IGFBP2: variants seen among roughly 807,000 people sequenced by gnomAD.
The protein encoded by IGFBP2 is insulin like growth factor binding protein 2.
Under a neutral mutation model 26.2 loss-of-function variants are expected in IGFBP2, and 12 were observed. The ratio of observed to expected loss-of-function variants is 0.46; its 90% CI spans 0.29 to 0.74. The LOEUF is 0.74. Among genes scored for constraint, IGFBP2 ranks in the 30% least tolerant of loss-of-function variants. The probability of loss-of-function intolerance (pLI) is 0.09; values close to 1 mark genes in which losing one functional copy is unlikely to be tolerated. For synonymous variants in IGFBP2, 189 were observed against 200.6 expected (o/e 0.94, Z 0.49); for missense variants, 328 against 441.2 (o/e 0.74, Z 2.30).
At position 216,664,102 on chromosome 2, in the gene IGFBP2, T is replaced by C. The variant is rs1182095749; in HGVS notation, c.976T>C (p.Ter326GlnextTer36). The change falls in exon 4 of 4, where the codon TAG (stop) becomes CAG (glutamine). Residue 326 changes from the stop codon to glutamine (Q), a stop_lost. Coordinates refer to ENST00000233809, the MANE Select transcript of IGFBP2 (RefSeq NM_000597.3). The surrounding 1 kb of genome is among the most constrained non-coding windows in gnomAD (Gnocchi z 4.6). Reference protein sequence around the residue: ...ARGVHTQRMQ* With the variant: ...ARGVHTQRMQQ ...CGGGGTGCACACCCAGCGGATGCAG[T>C]AGACCGCAGCCAGCCGGTGCCTGGC... 1 of 1,594,964 alleles carries C rather than the reference T, an allele frequency of 6.3e-7. No individual in the cohort carries two copies. Among genetic ancestry groups the C allele is most frequent in the Non-Finnish European group, 8.5e-7 (1 of 1,169,626 alleles).
intron 1 of IGFBP2, among the ~76,000 whole-genome samples, chr2:216,635,149 G>T (rs1463269252): frequency 6.6e-6 from 1 of 151,992 alleles, no homozygotes; most frequent in Admixed American, 6.6e-5. Flanking sequence ...GTCGGCTATT[G>T]TTTTTTTCCC....
intron 1 of IGFBP2, among the ~76,000 whole-genome samples, chr2:216,649,856 G>A (rs974449030): frequency 5.3e-5 from 8 of 152,104 alleles, no homozygotes; most frequent in African/African-American, 1.4e-4. Context: ...GGGGGAGCCC[G>A]AGATGAGATG....
intron 1 of IGFBP2, among the ~76,000 whole-genome samples, chr2:216,657,876 A>T (rs1183610413): frequency 2.6e-5 from 4 of 152,176 alleles, no homozygotes; most frequent in Admixed American, 6.5e-5. Context: ...ATATTTTTCC[A>T]GGTTTCAGGT....
intron 1 of IGFBP2, among the ~76,000 whole-genome samples, chr2:216,636,969 T>A (rs1697511091): frequency 6.6e-6 from 1 of 151,726 alleles, no homozygotes; most frequent in South Asian, 2.1e-4. Flanking sequence ...AGGCTCTGCA[T>A]CTGCAGTTGC....
intron 1 of IGFBP2, 112 bp from the exon 2 acceptor site, chr2:216,660,442 CATT>C: frequency 1.4e-6 from 1 of 707,438 alleles, no homozygotes; most frequent in Non-Finnish European, 2.3e-6. Context: ...CATCAGCACT[CATT>C]AGCCGCGCGT....
chr2:216,659,630 C>T lies in IGFBP2; in HGVS notation c.443-927C>T, dbSNP rs938465133. Reference sequence around the variant, plus strand: ...TCAGCCAGAGTGAGACTGTGGCAGGCTGGAGCTGTTTTCAAGGCCTCCTTC... The same window carrying T: ...TCAGCCAGAGTGAGACTGTGGCAGGTTGGAGCTGTTTTCAAGGCCTCCTTC... On this transcript the variant is annotated intron_variant, in intron 1 of 3. Transcript: ENST00000233809. 7 of 1,037,822 alleles carry T rather than the reference C, an allele frequency of 6.7e-6. No individual in the cohort carries two copies. In the African/African-American group the frequency reaches 1.1e-4, roughly 16 times the overall value. The allele number at this position is 1,037,822 out of a possible 1,614,324, so 64.3% of individuals were successfully genotyped here.
At chr2:216,650,590 T>A (rs1697800131) in intron 1 of IGFBP2, among the ~76,000 whole-genome samples, 1 of 152,212 alleles carries the variant, frequency 6.6e-6, no homozygotes, top group South Asian at 2.1e-4. Context: ...CTGTTGGGCT[T>A]GCCACTCAAC....
In IGFBP2 at chr2:216,660,683, T is replaced by C; in HGVS notation, c.569T>C (p.Val190Ala). The change falls in exon 2 of 4, where the codon GTG becomes GCG. Residue 190 changes from valine (V) to alanine (A), a missense_variant. By Grantham distance (64) the Val-to-Ala change is moderately conservative. Transcript: ENST00000233809. ...PLKSGMKELA[V>A]FREKVTEQHR... ...AAGTCGGGTATGAAGGAGCTGGCCG[T>C]GTTCCGGGAGAAGGTCACTGAGCAG... The C allele has an allele frequency of 6.2e-7, 1 of 1,614,050 alleles. No individual in the cohort carries two copies. The highest frequency in any genetic ancestry group is 2.2e-5 in the East Asian group (1 of 44,876).
rs1697435898 is a variant in IGFBP2 at position 216,633,740 on chromosome 2, A to G, written c.217A>G (p.Met73Val). The G allele has an allele frequency of 4.0e-6, 5 of 1,265,432 alleles. No individual in the cohort carries two copies. Among genetic ancestry groups the G allele is most frequent in the Admixed American group, 8.5e-5 (2 of 23,610 alleles). 78.4% of individuals were successfully genotyped at this position (1,265,432 alleles called of 1,614,324 possible). A position where few individuals can be genotyped will look rare whatever the true frequency, so the allele number is the denominator to read the frequency against. ...GGCCGCAGTGGCCGGAGGCGCCCGC[A>G]TGCCATGCGCGGAGCTCGTCCGGGA... ...AVAAVAGGARMPCAELVREPG... is the reference protein window; with the variant it reads ...AVAAVAGGARVPCAELVREPG... Residue 73 changes from methionine to valine, a missense_variant, in exon 1 of 4, where the codon ATG (methionine) becomes GTG (valine). Transcript: ENST00000233809.
intron 2 of IGFBP2, 132 bp downstream of exon 2, chr2:216,660,918 T>C: frequency 4.3e-6 from 3 of 689,670 alleles, no homozygotes; most frequent in Non-Finnish European, 7.4e-6. Flanking sequence ...TCCACAAACA[T>C]AGTTGTGGAA....
At chr2:216,635,814 T>G (rs949409641) in intron 1 of IGFBP2, among the ~76,000 whole-genome samples, 1 of 152,058 alleles carries the variant, frequency 6.6e-6, no homozygotes, top group Non-Finnish European at 1.5e-5. Context: ...GGGAAGAATG[T>G]CACTCTGGAT....
chr2:216,647,985 A>G (rs542175691), intron 1 of IGFBP2, among the ~76,000 whole-genome samples: 5 of 152,180 alleles, frequency 3.3e-5, no homozygotes, highest in Non-Finnish European at 7.4e-5. Flanking sequence ...GGACACTTGG[A>G]GGCCATATTG....
At chr2:216,651,227 G>A (rs1347044936) in intron 1 of IGFBP2, among the ~76,000 whole-genome samples, 1 of 152,164 alleles carries the variant, frequency 6.6e-6, no homozygotes, top group African/African-American at 2.4e-5. Flanking sequence ...CCTAACTTCT[G>A]CCTCCCTCCC....
intron 1 of IGFBP2, chr2:216,659,481 G>T: frequency 1.8e-6 from 1 of 553,582 alleles, no homozygotes; most frequent in Non-Finnish European, 3.3e-6. Flanking sequence ...GTGTCTCCAA[G>T]GGGTTGGGGC....
At chr2:216,642,920 A>C (rs1697644249) in intron 1 of IGFBP2, among the ~76,000 whole-genome samples, 1 of 152,162 alleles carries the variant, frequency 6.6e-6, no homozygotes, top group South Asian at 2.1e-4. Context: ...GGGTGGGGGA[A>C]GGTCCTCTCT....
intron 1 of IGFBP2, among the ~76,000 whole-genome samples, chr2:216,644,294 G>T (rs1022669320): frequency 5.3e-5 from 8 of 152,154 alleles, no homozygotes; most frequent in African/African-American, 1.7e-4. Context: ...GGAGAAGGGG[G>T]CAGGGGCTGG....
intron 3 of IGFBP2, chr2:216,663,683 A>G (rs936620091): frequency 4.3e-5 from 17 of 396,972 alleles, no homozygotes; most frequent in Non-Finnish European, 7.3e-5. Context: ...CTTGCTAATC[A>G]GAGGGGTCCC....
intron 1 of IGFBP2, chr2:216,659,717 G>T: frequency 6.5e-7 from 1 of 1,535,630 alleles, no homozygotes; most frequent in South Asian, 1.2e-5. Context: ...ACGCTTGTTG[G>T]ACAGACATCA....
At chr2:216,635,448 C>T (rs1697476977) in intron 1 of IGFBP2, among the ~76,000 whole-genome samples, 1 of 152,160 alleles carries the variant, frequency 6.6e-6, no homozygotes, top group African/African-American at 2.4e-5. Flanking sequence ...CCTCGTGGTC[C>T]ACCGGGGAGG....
Sources: gnomAD v4.1 joint callset for allele counts (sites outside exome capture counted in the v4.1 genomes callset) on GRCh38, gnomAD v4.1.1 for gene constraint, Gnocchi (gnomAD v3.1) non-coding constraint, MANE v1.5 for transcripts, NCBI Gene and HGNC (gene_info 2026-07-23, HGNC 2026-07-21) for gene names.